Variants in PDZRN4 observed in about 807,000 individuals in gnomAD.
The protein encoded by PDZRN4 is PDZ domain-containing RING finger protein 4.
Under a neutral mutation model 99.0 loss-of-function variants are expected in PDZRN4, and 70 were observed. The observed-to-expected ratio is 0.71, with a 90% CI of 0.58 to 0.86. PDZRN4 has a LOEUF of 0.86. Ranked by LOEUF, PDZRN4 falls within the 40% of genes least tolerant of loss-of-function variation. The pLI is 0.00. For missense variants in PDZRN4, 1,474 were observed against 1,331.2 expected (o/e 1.11, Z -1.67); for synonymous variants, 551 against 501.6 (o/e 1.10, Z -1.32).
chr12:41,207,897 T>C (rs2120684516), intron 3 of PDZRN4, among the ~76,000 whole-genome samples: 1 of 151,952 alleles, frequency 6.6e-6, no homozygotes, highest in South Asian at 2.1e-4. Context: ...CCAACTCTTC[T>C]TTAAGCCAGG....
chr12:41,493,173 G>C (rs1428939538), intron 3 of PDZRN4, among the ~76,000 whole-genome samples: 2 of 152,160 alleles, frequency 1.3e-5, no homozygotes, highest in Non-Finnish European at 2.9e-5. Context: ...TATCTCTGCA[G>C]TGTTTCACTG....
At chr12:41,388,058 G>T (rs1952184379) in intron 3 of PDZRN4, among the ~76,000 whole-genome samples, 1 of 152,178 alleles carries the variant, frequency 6.6e-6, no homozygotes, top group Non-Finnish European at 1.5e-5. Context: ...TAAAGAAAAT[G>T]TGGCACATAT....
At chr12:41,534,027 T>A (rs1192739698) in intron 5 of PDZRN4, among the ~76,000 whole-genome samples, 7 of 152,238 alleles carry the variant, frequency 4.6e-5, no homozygotes, top group Admixed American at 4.6e-4. Flanking sequence ...TCAAAATTAA[T>A]TAATTCTTTT....
At chr12:41,318,380 A>G (rs1290608396) in intron 3 of PDZRN4, among the ~76,000 whole-genome samples, 1 of 152,218 alleles carries the variant, frequency 6.6e-6, no homozygotes, top group African/African-American at 2.4e-5. Context: ...CTTAGAAACT[A>G]CTTTTGTGTT....
At position 41,572,541 on chromosome 12, in the gene PDZRN4, C is replaced by G; in HGVS notation, c.1762C>G (p.Leu588Val). Residue 588 changes from leucine (L) to valine (V), a missense_variant, in exon 10 of 10, where the codon CTG becomes GTG. By Grantham distance (32) the Leu-to-Val change is conservative. Transcript: ENST00000402685. The stretch of plus-strand genomic sequence containing the variant: ...CACATCTTTGAAGAGCAAGAGAGAC[C>G]TGGGGCAGAGCCAAGACACTCTGGG... Reference protein sequence around the residue: ...NSTSLKSKRDLGQSQDTLGSV... With the variant: ...NSTSLKSKRDVGQSQDTLGSV... The G allele has an allele frequency of 6.2e-7, 1 of 1,614,068 alleles. No homozygotes were observed. The highest frequency in any genetic ancestry group is 8.5e-7 in the Non-Finnish European group (1 of 1,180,006).
intron 3 of PDZRN4, among the ~76,000 whole-genome samples, chr12:41,215,272 A>G (rs1299886743): frequency 1.3e-5 from 2 of 152,066 alleles, no homozygotes; most frequent in African/African-American, 4.8e-5. Context: ...AGCATGTATT[A>G]ACTAAGGACT....
chr12:41,514,030 A>G (rs1938353553), intron 5 of PDZRN4, among the ~76,000 whole-genome samples: 1 of 152,126 alleles, frequency 6.6e-6, no homozygotes, highest in African/African-American at 2.4e-5. Flanking sequence ...GCAAAGAAAC[A>G]TATACAAAAG....
chr12:41,418,560 A>G (rs1226872326), intron 3 of PDZRN4, among the ~76,000 whole-genome samples: 4 of 152,216 alleles, frequency 2.6e-5, no homozygotes, highest in Non-Finnish European at 5.9e-5. Flanking sequence ...AGCAAGCTTC[A>G]TCTCTCTAAA....
intron 3 of PDZRN4, among the ~76,000 whole-genome samples, chr12:41,349,722 C>T (rs1378545671): frequency 2.0e-5 from 3 of 151,758 alleles, no homozygotes; most frequent in Non-Finnish European, 4.4e-5. Context: ...AGCTTTCTTG[C>T]TTGGGAGGAG....
chr12:41,567,884 C>T lies in PDZRN4; in HGVS notation c.1569C>T (p.Ala523=), dbSNP rs1939403913. 1.2e-6 allele frequency: 2 copies of T among 1,604,756 alleles called. No individual in the cohort carries two copies. Among genetic ancestry groups the T allele is most frequent in the Non-Finnish European group, 8.5e-7 (1 of 1,173,198 alleles). ...ATAATGAAGCAATGCAGCCCACTGC[C>T]AATGAGGTGGAGCAGGTAGGGCCAA... is the stretch of plus-strand genomic sequence containing the variant. ...EEHNEAMQPT[A]NEVEQPKKQE... is the part of the protein sequence containing the mutation. The change falls in exon 9 of 10, where the codon GCC becomes GCT. Residue 523 remains alanine (A), a synonymous_variant. Transcript: ENST00000402685.
chr12:41,495,880 C>T (rs1937991076), intron 3 of PDZRN4, among the ~76,000 whole-genome samples: 1 of 152,060 alleles, frequency 6.6e-6, no homozygotes, highest in African/African-American at 2.4e-5. Context: ...AGTTTTTCAT[C>T]TCATCAGACC....
intron 3 of PDZRN4, among the ~76,000 whole-genome samples, chr12:41,406,660 G>C (rs568421653): frequency 6.6e-6 from 1 of 151,916 alleles, no homozygotes; most frequent in Non-Finnish European, 1.5e-5. Context: ...TTGGGAGGCC[G>C]AGGCGGGCAG....
intron 3 of PDZRN4, among the ~76,000 whole-genome samples, chr12:41,346,701 A>G (rs755449581): frequency 4.6e-5 from 7 of 152,108 alleles, no homozygotes; most frequent in Non-Finnish European, 8.8e-5. Context: ...TAATTTTTTT[A>G]AGTATGCAAT....
chr12:41,382,100 A>T (rs1478800702), intron 3 of PDZRN4, among the ~76,000 whole-genome samples: 3 of 151,908 alleles, frequency 2.0e-5, no homozygotes, highest in Non-Finnish European at 4.4e-5. Flanking sequence ...CACAGTCTAT[A>T]CTCCCTGCCC....
chr12:41,331,081 T>C (rs776870601), intron 3 of PDZRN4, among the ~76,000 whole-genome samples: 11 of 152,124 alleles, frequency 7.2e-5, no homozygotes, highest in African/African-American at 9.7e-5. Context: ...ACATCGCAAA[T>C]TGCAAATTCG....
intron 3 of PDZRN4, among the ~76,000 whole-genome samples, chr12:41,349,627 A>G (rs1442143293): frequency 6.6e-6 from 1 of 151,990 alleles, no homozygotes; most frequent in Non-Finnish European, 1.5e-5. Flanking sequence ...TAAAAACATT[A>G]ATTAACTCTA....
intron 4 of PDZRN4, 65 bp from the exon 5 acceptor site, chr12:41,509,746 A>G (rs2120683386): frequency 1.3e-6 from 1 of 745,044 alleles, no homozygotes; most frequent in East Asian, 2.6e-5. Context: ...AAATTCTAAA[A>G]TCAGTTTTAA....
intron 3 of PDZRN4, among the ~76,000 whole-genome samples, chr12:41,258,880 GTGA>G (rs1374649567): frequency 6.6e-6 from 1 of 152,058 alleles, no homozygotes; most frequent in Non-Finnish European, 1.5e-5. Flanking sequence ...GTTATGAGTA[GTGA>G]TGATGATGAT....
chr12:41,538,699 A>C (rs979205866), intron 5 of PDZRN4, among the ~76,000 whole-genome samples: 5 of 152,132 alleles, frequency 3.3e-5, no homozygotes, highest in African/African-American at 9.6e-5. Flanking sequence ...ACATTAAATA[A>C]ATTAAACATT....
Sources: allele counts gnomAD v4.1 joint callset (sites outside exome capture counted in the v4.1 genomes callset), GRCh38; gene constraint gnomAD v4.1.1; transcripts MANE v1.5; gene names NCBI Gene and HGNC (gene_info 2026-07-23, HGNC 2026-07-21).